Variants in SHQ1 observed in about 807,000 individuals in gnomAD.
SHQ1 encodes the protein protein SHQ1 homolog.
A neutral mutation model predicts 53.8 loss-of-function variants in SHQ1; 49 were observed. The ratio of observed to expected loss-of-function variants is 0.91; its 90% CI spans 0.72 to 1.16. The LOEUF (loss-of-function observed/expected upper bound fraction) is 1.16, where lower values mean the gene tolerates loss of function less well. SHQ1 is among the 50% of genes most tolerant of loss of function. SHQ1 has a pLI of 0.00. For missense variants in SHQ1, 738 were observed against 683.1 expected (o/e 1.08, Z -0.90); for synonymous variants, 243 against 251.0 (o/e 0.97, Z 0.30).
At chr3:72,817,160 A>G in intron 7 of SHQ1, 70 bp downstream of exon 7, 3 of 1,498,108 alleles carry the variant, frequency 2.0e-6, no homozygotes, top group South Asian at 2.6e-5. Context: ...TAGACAAGAA[A>G]GACTGATGCT....
chr3:72,830,961 C>T (rs1480874181), intron 5 of SHQ1, among the ~76,000 whole-genome samples: 1 of 152,152 alleles, frequency 6.6e-6, no homozygotes, highest in Non-Finnish European at 1.5e-5. Context: ...AAGCTCCCTC[C>T]CACTTGAAAT....
In SHQ1 at chr3:72,759,443, C is replaced by A. The variant is rs143171355; in HGVS notation, c.1182-8607G>T. Among the ~76,000 whole-genome samples, 1,248 of 152,284 alleles carry A rather than the reference C, an allele frequency of 8.2e-3. 19 individuals are homozygous for A. Among genetic ancestry groups the A allele is most frequent in the African/African-American group, 0.029 (1,203 of 41,558 alleles). Reference sequence around the variant, plus strand: ...CAGCAGCTCACACCTGTAATCCCAGCACTTTGGGAGGCCAAGGTGGGCGGA... The same window carrying A: ...CAGCAGCTCACACCTGTAATCCCAGAACTTTGGGAGGCCAAGGTGGGCGGA... On this transcript the variant is annotated intron_variant, in intron 10 of 10. Transcript: ENST00000325599.
At chr3:72,755,440 C>T (rs1349941081) in intron 10 of SHQ1, among the ~76,000 whole-genome samples, 1 of 152,172 alleles carries the variant, frequency 6.6e-6, no homozygotes, top group Non-Finnish European at 1.5e-5. Context: ...CTGAAAGAAA[C>T]TTTAATAAAA....
chr3:72,847,264 C>T (rs576206856), intron 1 of SHQ1, among the ~76,000 whole-genome samples: 11 of 152,256 alleles, frequency 7.2e-5, no homozygotes, highest in Admixed American at 7.2e-4. Flanking sequence ...GAAAAAACCA[C>T]CTTGACTGGT....
At chr3:72,799,703 T>G (rs1442928034) in intron 9 of SHQ1, among the ~76,000 whole-genome samples, 1 of 152,238 alleles carries the variant, frequency 6.6e-6, no homozygotes, top group African/African-American at 2.4e-5. Flanking sequence ...CACAAACTTA[T>G]AGTCCTATCC....
intron 9 of SHQ1, among the ~76,000 whole-genome samples, chr3:72,803,095 T>TTAGCTTAGCA (rs1296628333): frequency 1.3e-5 from 2 of 152,182 alleles, no homozygotes; most frequent in African/African-American, 4.8e-5. Flanking sequence ...AAAGACACGC[T>TTAGCTTAGCA]GGCACTTAGC....
chr3:72,755,313 T>TGATA lies in SHQ1; in HGVS notation c.1182-4481_1182-4478dup, dbSNP rs201924356. Among the ~76,000 whole-genome samples, 52 of 152,090 alleles carry TGATA rather than the reference T, an allele frequency of 3.4e-4. 1 individual carries two copies. The highest frequency in any genetic ancestry group is 7.2e-5 in the African/African-American group (3 of 41,408). ...ATGGATGGATGGATAGATGGATGGA[T>TGATA]GATAGATAGATAGACAGATAAATTG... On this transcript the variant is annotated intron_variant, in intron 10 of 10. Transcript: ENST00000325599.
At chr3:72,841,287 G>T in intron 3 of SHQ1, 88 bp from the exon 4 acceptor site, 1 of 993,062 alleles carries the variant, frequency 1.0e-6, no homozygotes, top group Non-Finnish European at 1.4e-6. Flanking sequence ...TGCCCACAAA[G>T]ATGTACCAAA....
chr3:72,773,048 T>C (rs1014947732), intron 10 of SHQ1: 2 of 928,514 alleles, frequency 2.2e-6, no homozygotes, highest in African/African-American at 3.2e-5. Context: ...AAAGAAGAAA[T>C]GACTGAGTCC....
At chr3:72,824,576 T>A (rs927516090) in intron 5 of SHQ1, 25 bp from the exon 6 acceptor site, 1 of 1,599,052 alleles carries the variant, frequency 6.3e-7, no homozygotes, top group Non-Finnish European at 8.5e-7. Flanking sequence ...TGAAAGAACT[T>A]ACTATACAGG....
chr3:72,742,644 TCTCA>T, the SHQ1 span, among the ~76,000 whole-genome samples: 7 of 133,888 alleles, frequency 5.2e-5, no homozygotes, highest in Non-Finnish European at 1.1e-4. Context: ...TGAGATGGAG[TCTCA>T]CTCTGTTGTC....
chr3:72,841,000 A>G, intron 4 of SHQ1, 45 bp downstream of exon 4: 1 of 1,555,686 alleles, frequency 6.4e-7, no homozygotes, highest in East Asian at 2.3e-5. Context: ...AAATATCCAA[A>G]TGGAAAAACC....
At chr3:72,800,107 AATGT>A (rs1706740008) in intron 9 of SHQ1, among the ~76,000 whole-genome samples, 1 of 152,088 alleles carries the variant, frequency 6.6e-6, no homozygotes, top group Non-Finnish European at 1.5e-5. Context: ...TACCCTCATG[AATGT>A]TAACGACAAT....
chr3:72,758,856 C>G (rs1298922269), intron 10 of SHQ1, among the ~76,000 whole-genome samples: 1 of 152,092 alleles, frequency 6.6e-6, no homozygotes, highest in Non-Finnish European at 1.5e-5. Flanking sequence ...CGTGAGCCAC[C>G]GCACCTGGCC....
intron 10 of SHQ1, among the ~76,000 whole-genome samples, chr3:72,762,022 C>G (rs1032169438): frequency 1.3e-5 from 2 of 152,172 alleles, no homozygotes; most frequent in African/African-American, 4.8e-5. Flanking sequence ...CTAGCTCCAG[C>G]AGTTTTTTTG....
chr3:72,741,604 G>C, the SHQ1 span, among the ~76,000 whole-genome samples: 1 of 151,732 alleles, frequency 6.6e-6, no homozygotes, highest in African/African-American at 2.4e-5. Flanking sequence ...AAAAAAGAAG[G>C]AGTGAGAGGA....
chr3:72,816,296 G>A (rs2106872275), intron 7 of SHQ1, among the ~76,000 whole-genome samples: 1 of 152,054 alleles, frequency 6.6e-6, no homozygotes, highest in East Asian at 1.9e-4. Flanking sequence ...ACTGAAAGAA[G>A]ATTGGAAATA....
the SHQ1 span, among the ~76,000 whole-genome samples, chr3:72,742,612 TTTTTTTC>T: frequency 7.5e-6 from 1 of 132,916 alleles, no homozygotes; most frequent in African/African-American, 3.1e-5. Context: ...TTTTTTTTTC[TTTTTTTC>T]TTTTTTTTTT....
intron 10 of SHQ1, among the ~76,000 whole-genome samples, chr3:72,773,974 G>A (rs1705905919): frequency 6.6e-6 from 1 of 152,128 alleles, no homozygotes; most frequent in South Asian, 2.1e-4. Flanking sequence ...AGTCATCAAA[G>A]GTTTATTGAA....
Sources: gnomAD v4.1 joint callset for allele counts (sites outside exome capture counted in the v4.1 genomes callset) on GRCh38, gnomAD v4.1.1 for gene constraint, MANE v1.5 for transcripts, NCBI Gene and HGNC (gene_info 2026-07-23, HGNC 2026-07-21) for gene names.